Variants in SH3BP4 observed in about 807,000 individuals in gnomAD.
SH3BP4 encodes SH3 domain-binding protein 4.
In SH3BP4, 33 loss-of-function variants were observed where a neutral mutation model predicts 65.5. That is an observed-to-expected ratio of 0.50 (90% CI 0.38 to 0.67). The LOEUF is 0.67. SH3BP4 is among the 30% of genes least tolerant of loss of function. The pLI is 0.00. For synonymous variants in SH3BP4, 552 were observed against 545.5 expected (o/e 1.01, Z -0.17); for missense variants, 1,134 against 1,261.4 (o/e 0.90, Z 1.53).
intron 2 of SH3BP4, among the ~76,000 whole-genome samples, chr2:235,013,577 C>G (rs764880872): frequency 6.6e-6 from 1 of 150,554 alleles, no homozygotes; most frequent in African/African-American, 2.4e-5. Flanking sequence ...CCAGGAGGAA[C>G]TTGATTTTCT....
At position 235,042,615 on chromosome 2, in the gene SH3BP4, G is replaced by A. The variant is rs1270421795; in HGVS notation, c.1846G>A (p.Ala616Thr). 6.2e-7 allele frequency: 1 copy of A among 1,614,114 alleles called. No homozygotes were observed. The highest frequency in any genetic ancestry group is 8.5e-7 in the Non-Finnish European group (1 of 1,180,042). Residue 616 changes from alanine to threonine, a missense_variant, in exon 4 of 6, where the codon GCC becomes ACC. Coordinates refer to ENST00000392011, the MANE Select transcript of SH3BP4 (RefSeq NM_014521.3). The surrounding 1 kb of genome is among the most constrained non-coding windows in gnomAD (Gnocchi z 7.3). ...VQTPQPPPKS[A>T]IKPSGQRRFL... is the part of the protein sequence containing the mutation. ...GACTCCTCAGCCACCCCCTAAAAGT[G>A]CCATCAAGCCTTCCGGGCAAAGGAG...
rs1449455473 is a variant in SH3BP4 at position 235,026,389 on chromosome 2, C to T, written c.-132-8482C>T. ...CATGGCCCTTGTTTTCCCCGCATCT[C>T]TGGAGTCTGAGTCACCAGCTTGGCA... is the stretch of plus-strand genomic sequence containing the variant. On this transcript the variant is annotated intron_variant, in intron 2 of 5. Coordinates refer to ENST00000392011, the MANE Select transcript of SH3BP4 (RefSeq NM_014521.3). This position sits in a 1 kb window ranked among gnomAD's most constrained non-coding sequence, Gnocchi z 4.6. Among the ~76,000 whole-genome samples, 1 of 152,196 alleles carries T rather than the reference C, an allele frequency of 6.6e-6. No homozygotes were observed. Among genetic ancestry groups the T allele is most frequent in the Non-Finnish European group, 1.5e-5 (1 of 68,038 alleles).
intron 1 of SH3BP4, among the ~76,000 whole-genome samples, chr2:234,964,461 G>T (rs902518349): frequency 6.6e-6 from 1 of 152,212 alleles, no homozygotes. Context: ...TGCCCACAGG[G>T]AGTTCACTGC....
intron 1 of SH3BP4, among the ~76,000 whole-genome samples, chr2:234,970,037 A>G (rs1480837368): frequency 2.1e-5 from 3 of 144,474 alleles, no homozygotes; most frequent in Non-Finnish European, 4.5e-5. Context: ...ACACTCACAA[A>G]TACACTTACT....
chr2:234,985,892 C>T (rs747398275), intron 1 of SH3BP4, among the ~76,000 whole-genome samples: 7 of 151,872 alleles, frequency 4.6e-5, no homozygotes, highest in Non-Finnish European at 7.4e-5. Flanking sequence ...TGCAGGTGAA[C>T]CAGCCCTCGA....
chr2:235,022,336 T>G (rs1342784641), intron 2 of SH3BP4, among the ~76,000 whole-genome samples: 1 of 152,066 alleles, frequency 6.6e-6, no homozygotes. Context: ...GGCAGATCAC[T>G]TGAGGTCAGG....
chr2:234,964,543 G>A (rs909771579), intron 1 of SH3BP4, among the ~76,000 whole-genome samples: 2 of 150,958 alleles, frequency 1.3e-5, no homozygotes, highest in African/African-American at 4.9e-5. Flanking sequence ...AGTTGTACTG[G>A]GGGTCAGGAC....
chr2:234,963,834 G>T (rs1327767575), intron 1 of SH3BP4, among the ~76,000 whole-genome samples: 1 of 152,140 alleles, frequency 6.6e-6, no homozygotes, highest in Non-Finnish European at 1.5e-5. Flanking sequence ...GTGACAAGAT[G>T]GACTGCAGTT....
chr2:235,007,371 C>T (rs1168594466), intron 2 of SH3BP4, among the ~76,000 whole-genome samples: 1 of 152,160 alleles, frequency 6.6e-6, no homozygotes, highest in Non-Finnish European at 1.5e-5. Context: ...AGCTTCTCAC[C>T]TGGGGCGACC....
chr2:234,983,220 G>C (rs1693445194), intron 1 of SH3BP4: 1 of 152,240 alleles, frequency 6.6e-6, no homozygotes, highest in Admixed American at 6.5e-5. Flanking sequence ...CCCGTTCAAG[G>C]TGCTTCTTGT....
chr2:234,966,003 G>A (rs1692826394), intron 1 of SH3BP4, among the ~76,000 whole-genome samples: 1 of 152,324 alleles, frequency 6.6e-6, no homozygotes, highest in East Asian at 1.9e-4. Flanking sequence ...TTGGCCTGGC[G>A]AGGTTGAGGA....
rs532470434 is a variant in SH3BP4, at chr2:234,998,274, GACTGGCC to G, written c.-133+2900_-133+2906del. On this transcript the variant is annotated intron_variant, in intron 2 of 5. Transcript: ENST00000392011. ...GTGGGCTGGTACCACACCCCCTCTA[GACTGGCC>G]AATGGGAATAAATCATGAGCCACAA... Among the ~76,000 whole-genome samples, 327 of 152,328 alleles carry G rather than the reference GACTGGCC, an allele frequency of 2.1e-3. 3 individuals are homozygous for G. Among genetic ancestry groups the G allele is most frequent in the Middle Eastern group, 0.014 (4 of 294 alleles).
At chr2:234,972,493 G>A (rs1693031144) in intron 1 of SH3BP4, among the ~76,000 whole-genome samples, 1 of 151,978 alleles carries the variant, frequency 6.6e-6, no homozygotes, top group African/African-American at 2.4e-5. Context: ...GGGAAGCTGA[G>A]GCAGGAGGAT....
At chr2:234,969,260 G>T (rs888732442) in intron 1 of SH3BP4, among the ~76,000 whole-genome samples, 13 of 152,184 alleles carry the variant, frequency 8.5e-5, no homozygotes, top group African/African-American at 3.1e-4. Flanking sequence ...GGTGGTTTTG[G>T]TTTTGTACGT....
chr2:234,973,675 C>T (rs374600790), intron 1 of SH3BP4, among the ~76,000 whole-genome samples: 13 of 151,206 alleles, frequency 8.6e-5, no homozygotes, highest in African/African-American at 1.9e-4. Context: ...TTTTAGGCAC[C>T]GTCTTGCTCT....
intron 2 of SH3BP4, among the ~76,000 whole-genome samples, chr2:235,001,993 T>C (rs1407657872): frequency 6.6e-6 from 1 of 152,122 alleles, no homozygotes; most frequent in African/African-American, 2.4e-5. Context: ...CCAGAGTAGC[T>C]GGGATTACAG....
In SH3BP4 at chr2:235,049,955, C is replaced by T. The variant is rs549374626; in HGVS notation, c.2479-2607C>T. On this transcript the variant is annotated intron_variant, in intron 4 of 5. Coordinates refer to ENST00000392011, the MANE Select transcript of SH3BP4 (RefSeq NM_014521.3). ...GCAGGGAGGACCTGGGGTTGGGTGC[C>T]CAGAGGCAGCTCTGGCTCTGGCATT... 2.6e-5 allele frequency among the ~76,000 whole-genome samples: 4 copies of T among 151,772 alleles called. No homozygotes were observed. The South Asian group carries it at 8.4e-4, about 32-fold the overall frequency.
rs999466759 is a variant in SH3BP4 at position 235,030,729 on chromosome 2, A to T, written c.-132-4142A>T. Among the ~76,000 whole-genome samples, 4 of 152,250 alleles carry T rather than the reference A, an allele frequency of 2.6e-5. No individual in the cohort carries two copies. In the South Asian group the frequency reaches 6.2e-4, roughly 24 times the overall value. Reference sequence around the variant, plus strand: ...GAGGAGCACACAGGGCAGCCCTGGGATGCTGGCTGCATTCTCCATCCCGTG... The same window carrying T: ...GAGGAGCACACAGGGCAGCCCTGGGTTGCTGGCTGCATTCTCCATCCCGTG... On this transcript the variant is annotated intron_variant, in intron 2 of 5. Transcript: ENST00000392011. The surrounding 1 kb of genome is among the most constrained non-coding windows in gnomAD (Gnocchi z 4.1).
intron 4 of SH3BP4, among the ~76,000 whole-genome samples, chr2:235,051,302 G>T (rs914507433): frequency 6.6e-6 from 1 of 151,992 alleles, no homozygotes; most frequent in African/African-American, 2.4e-5. Context: ...CTGCTGTCTT[G>T]TGCTAGCCAA....
Sources: allele counts gnomAD v4.1 joint callset (sites outside exome capture counted in the v4.1 genomes callset), GRCh38; gene constraint gnomAD v4.1.1; non-coding constraint Gnocchi (gnomAD v3.1); transcripts MANE v1.5; gene names NCBI Gene and HGNC (gene_info 2026-07-23, HGNC 2026-07-21).